The following SECISBP2L variants were observed in gnomAD, a reference collection of about 807,000 sequenced individuals.
The protein encoded by SECISBP2L is selenocysteine insertion sequence-binding protein 2-like.
SECISBP2L carries 43 observed loss-of-function variants against 114.7 expected under a neutral mutation model. That is an observed-to-expected ratio of 0.38 (90% CI 0.29 to 0.48). The LOEUF (loss-of-function observed/expected upper bound fraction) is 0.48, where lower values mean the gene tolerates loss of function less well. Among genes scored for constraint, SECISBP2L ranks in the 20% least tolerant of loss-of-function variants. The probability of loss-of-function intolerance (pLI) is 0.98; values close to 1 mark genes in which losing one functional copy is unlikely to be tolerated. For synonymous variants in SECISBP2L, 451 were observed against 439.7 expected (o/e 1.03, Z -0.32); for missense variants, 1,136 against 1,301.1 (o/e 0.87, Z 1.95).
At chr15:49,001,529 T>C (rs969538661) in intron 14 of SECISBP2L, among the ~76,000 whole-genome samples, 3 of 151,702 alleles carry the variant, frequency 2.0e-5, no homozygotes, top group East Asian at 1.9e-4. Context: ...GTTTGTTACA[T>C]AGGTATACAC....
chr15:49,025,107 C>A (rs1045790715), intron 7 of SECISBP2L, among the ~76,000 whole-genome samples: 10 of 152,250 alleles, frequency 6.6e-5, no homozygotes, highest in African/African-American at 2.2e-4. Flanking sequence ...AGGTAGAATT[C>A]ATTTATCTAA....
intron 14 of SECISBP2L, among the ~76,000 whole-genome samples, chr15:49,008,869 T>C (rs931496099): frequency 2.6e-5 from 4 of 152,186 alleles, no homozygotes; most frequent in Non-Finnish European, 4.4e-5. Context: ...AGTGATCTTT[T>C]GAAGGGCCAA....
chr15:48,992,883 T>C lies in SECISBP2L; in HGVS notation c.2667A>G (p.Glu889=), dbSNP rs1383986359. The C allele has an allele frequency of 1.2e-6, 2 of 1,614,006 alleles. No homozygotes were observed. Among genetic ancestry groups the C allele is most frequent in the African/African-American group, 2.7e-5 (2 of 74,924 alleles). Residue 889 remains glutamate (E), a synonymous_variant, in exon 18 of 18, where the codon GAA becomes GAG. Transcript: ENST00000559471. ...RNMVETSDGL[E]ASENEKEVSC... ...ATACCTCTTTCTCATTTTCTGATGC[T>C]TCCAGTCCATCTGAAGTTTCCACCA...
At chr15:48,997,792 C>T (rs556482872) in intron 16 of SECISBP2L, among the ~76,000 whole-genome samples, 1 of 152,256 alleles carries the variant, frequency 6.6e-6, no homozygotes, top group East Asian at 1.9e-4. Flanking sequence ...TCACTTGAAA[C>T]CGGGAGGTGG....
At chr15:49,007,422 C>T (rs1022561738) in intron 14 of SECISBP2L, among the ~76,000 whole-genome samples, 2 of 152,188 alleles carry the variant, frequency 1.3e-5, no homozygotes, top group Non-Finnish European at 2.9e-5. Flanking sequence ...GATGCTCTGT[C>T]CCAGGCAGAT....
intron 1 of SECISBP2L, among the ~76,000 whole-genome samples, chr15:49,040,473 T>A (rs1183188829): frequency 6.6e-6 from 1 of 150,466 alleles, no homozygotes. Context: ...TACATCAAAA[T>A]GCAGCATCTG....
Position 49,016,572 on chromosome 15 carries a change from G to C in SECISBP2L, c.1549C>G (p.Leu517Val). Reference protein sequence around the residue: ...KARQITNTRPLSYTVVTAASF... With the variant: ...KARQITNTRPVSYTVVTAASF... ...CTAATGATATCACCTGTATATGACA[G>C]AGGTCTGGTGTTAGTAATTTGCCGT... Residue 517 changes from leucine to valine, a missense_variant, in exon 11 of 18, where the codon CTG becomes GTG. This residue lies in a region of SECISBP2L where 684 missense variants were observed against 848.7 expected (regional missense o/e 0.81). Transcript: ENST00000559471. 6.2e-7 allele frequency: 1 copy of C among 1,608,314 alleles called. No individual in the cohort carries two copies. Among genetic ancestry groups the C allele is most frequent in the South Asian group, 1.1e-5 (1 of 89,810 alleles).
At chr15:49,039,397 G>A (rs768503672) in intron 1 of SECISBP2L, among the ~76,000 whole-genome samples, 14 of 151,958 alleles carry the variant, frequency 9.2e-5, no homozygotes, top group Non-Finnish European at 1.8e-4. Flanking sequence ...AAAAGCCGAC[G>A]TACAGCAATA....
In SECISBP2L at chr15:49,040,327, G is replaced by C. The variant is rs568274404; in HGVS notation, c.25-2558C>G. ...TTAGCACACACACAAAAGAGAGAGA[G>C]AGAAGCTGCTATAGTCAACAGCTGC... On this transcript the variant is annotated intron_variant, in intron 1 of 17. Coordinates refer to ENST00000559471, the MANE Select transcript of SECISBP2L (RefSeq NM_001193489.2). Among the ~76,000 whole-genome samples the C allele has an allele frequency of 6.6e-5, 10 of 152,184 alleles. No individual in the cohort carries two copies. The South Asian group carries it at 1.9e-3, about 28-fold the overall frequency.
chr15:49,037,899 C>G lies in SECISBP2L; in HGVS notation c.25-130G>C, dbSNP rs1234420095. ...TCTCTTCTCAGCATTCATAAAACAT[C>G]CAAAAGGAAGAGCAATGTCAATTTT... On this transcript the variant is annotated intron_variant, in intron 1 of 17. Coordinates refer to ENST00000559471, the MANE Select transcript of SECISBP2L (RefSeq NM_001193489.2). 8.5e-6 allele frequency: 5 copies of G among 589,920 alleles called. No homozygotes were observed. In the East Asian group the frequency reaches 1.6e-4, roughly 18 times the overall value. 36.5% of individuals were successfully genotyped at this position (589,920 alleles called of 1,614,324 possible).
intron 4 of SECISBP2L, among the ~76,000 whole-genome samples, chr15:49,032,271 T>C (rs1486434289): frequency 6.6e-6 from 1 of 152,216 alleles, no homozygotes; most frequent in Non-Finnish European, 1.5e-5. Context: ...CTAGTGTCAA[T>C]AACTATGGGT....
intron 3 of SECISBP2L, among the ~76,000 whole-genome samples, chr15:49,033,757 A>C (rs1902945546): frequency 6.6e-6 from 1 of 152,128 alleles, no homozygotes; most frequent in African/African-American, 2.4e-5. Context: ...ACTTGAGCCC[A>C]GGCGTTTGAG....
rs1230975310 is a variant in SECISBP2L at position 49,046,285 on chromosome 15, G to A, written c.15C>T (p.Pro5=). The A allele has an allele frequency of 2.6e-6, 4 of 1,559,996 alleles. No homozygotes were observed. The highest frequency in any genetic ancestry group is 1.2e-5 in the South Asian group (1 of 84,944). The part of the protein sequence containing the change: MDRA[P]TEQNVKLSAE... Reference sequence around the variant, plus strand: ...GCCCAAACCCGCGTACCTGCTCCGTGGGGGCTCGGTCCATGGTGCCTGCAG... The same window carrying A: ...GCCCAAACCCGCGTACCTGCTCCGTAGGGGCTCGGTCCATGGTGCCTGCAG... The change falls in exon 1 of 18, where the codon CCC becomes CCT. Residue 5 remains proline, a synonymous_variant. Coordinates refer to ENST00000559471, the MANE Select transcript of SECISBP2L (RefSeq NM_001193489.2).
intron 3 of SECISBP2L, among the ~76,000 whole-genome samples, chr15:49,033,344 T>C (rs559049219): frequency 2.6e-3 from 389 of 152,288 alleles, no homozygotes; most frequent in Non-Finnish European, 4.7e-3. Flanking sequence ...AACACAAGTA[T>C]GATTAATAAA....
intron 17 of SECISBP2L, among the ~76,000 whole-genome samples, 174 bp from the exon 18 acceptor site, chr15:48,993,100 A>AGAGAGAGAGTGTGTGTGTGT (rs772299775): frequency 7.2e-6 from 1 of 139,130 alleles, no homozygotes; most frequent in African/African-American, 2.8e-5. Flanking sequence ...ACAGAGAGAG[A>AGAGAGAGAGTGTGTGTGTGT]GTGTGTGTGT....
intron 11 of SECISBP2L, 188 bp from the exon 12 acceptor site, chr15:49,013,005 G>C: frequency 3.5e-6 from 2 of 569,848 alleles, no homozygotes; most frequent in Non-Finnish European, 6.1e-6. Context: ...TAGAGACTAA[G>C]CCAATGCAAT....
rs1384965698 is a variant in SECISBP2L, at chr15:48,992,386, G to A, written c.3164C>T (p.Ala1055Val). ...CATCCCTGGCTCCAGCACCTCAGGCGCCTCTGCTTCCTCTTCTCCACTTTG... is the reference window on the plus strand; with the variant it reads ...CATCCCTGGCTCCAGCACCTCAGGCACCTCTGCTTCCTCTTCTCCACTTTG... ...VEQSGEEEAE[A>V]PEVLEPGMDS... Residue 1055 changes from alanine to valine, a missense_variant, in exon 18 of 18, where the codon GCG (alanine) becomes GTG (valine). Physicochemically the swap from Ala to Val is moderately conservative, Grantham distance 64. Transcript: ENST00000559471. The A allele has an allele frequency of 1.4e-5, 22 of 1,614,038 alleles. No individual in the cohort carries two copies. Among genetic ancestry groups the A allele is most frequent in the Admixed American group, 5.0e-5 (3 of 59,992 alleles).
chr15:49,042,799 G>A (rs976055966), intron 1 of SECISBP2L, among the ~76,000 whole-genome samples: 6 of 152,164 alleles, frequency 3.9e-5, no homozygotes, highest in South Asian at 2.1e-4. Context: ...GGAGGCCGAC[G>A]TGGGTGGATC....
At chr15:49,046,236 C>T in intron 1 of SECISBP2L, 40 bp downstream of exon 1, 2 of 1,571,026 alleles carry the variant, frequency 1.3e-6, no homozygotes, top group South Asian at 2.3e-5. Flanking sequence ...AGCGGCGACC[C>T]CAACCCCCGG....
Sources: allele counts gnomAD v4.1 joint callset (sites outside exome capture counted in the v4.1 genomes callset), GRCh38; gene constraint gnomAD v4.1.1; regional missense constraint gnomAD v4.1.1; transcripts MANE v1.5; gene names NCBI Gene and HGNC (gene_info 2026-07-23, HGNC 2026-07-21).